KATNAL1: variants seen among roughly 807,000 people sequenced by gnomAD.
KATNAL1 encodes the protein katanin catalytic subunit A1 like 1.
Under a neutral mutation model 55.2 loss-of-function variants are expected in KATNAL1, and 32 were observed. The observed-to-expected ratio is 0.58, with a 90% CI of 0.44 to 0.78. The LOEUF (loss-of-function observed/expected upper bound fraction) is 0.78, where lower values mean the gene tolerates loss of function less well. Among genes scored for constraint, KATNAL1 ranks in the 30% least tolerant of loss-of-function variants. KATNAL1 has a pLI of 0.00. For missense variants in KATNAL1, 466 were observed against 600.9 expected, an observed-to-expected ratio of 0.78 and a Z score of 2.35; for synonymous variants, 193 against 193.6, an observed-to-expected ratio of 1.00 and a Z score of 0.02.
intron 6 of KATNAL1, among the ~76,000 whole-genome samples, chr13:30,233,003 CT>C (rs1487863422): frequency 6.6e-6 from 1 of 152,148 alleles, no homozygotes; most frequent in African/African-American, 2.4e-5. Context: ...AAACCTCAAA[CT>C]ATGAAACTGC....
At chr13:30,265,785 C>A (rs1879723900) in intron 3 of KATNAL1, among the ~76,000 whole-genome samples, 1 of 150,356 alleles carries the variant, frequency 6.7e-6, no homozygotes, top group African/African-American at 2.4e-5. Flanking sequence ...CTGAGGCGGG[C>A]AGATCACCTG....
intron 1 of KATNAL1, among the ~76,000 whole-genome samples, chr13:30,294,648 GCTACA>G (rs1288310191): frequency 6.6e-6 from 1 of 152,224 alleles, no homozygotes. Flanking sequence ...GATGAAGGTG[GCTACA>G]CTAAACAACA....
chr13:30,249,090 G>A (rs1878062179), intron 4 of KATNAL1, among the ~76,000 whole-genome samples: 1 of 152,038 alleles, frequency 6.6e-6, no homozygotes, highest in South Asian at 2.1e-4. Context: ...AAATTAGCCG[G>A]CTGTGGTGGC....
At chr13:30,305,211 T>C (rs1883105057) in intron 1 of KATNAL1, among the ~76,000 whole-genome samples, 2 of 152,214 alleles carry the variant, frequency 1.3e-5, no homozygotes, top group African/African-American at 4.8e-5. Flanking sequence ...ACTCTGAATA[T>C]GGTGCCAAGT....
At chr13:30,274,891 A>ACGCGCGCGCGCGCG (rs138328965) in intron 3 of KATNAL1, among the ~76,000 whole-genome samples, 12 of 122,122 alleles carry the variant, frequency 9.8e-5, no homozygotes, top group Non-Finnish European at 1.5e-4. Context: ...GCACACACAT[A>ACGCGCGCGCGCGCG]CGCGCGCGCG....
intron 1 of KATNAL1, among the ~76,000 whole-genome samples, chr13:30,303,628 C>A (rs1882998221): frequency 6.6e-6 from 1 of 152,198 alleles, no homozygotes; most frequent in South Asian, 2.1e-4. Flanking sequence ...TTTTCATTTA[C>A]AGATGCTCAA....
At chr13:30,242,721 G>A (rs1036562341) in intron 4 of KATNAL1, among the ~76,000 whole-genome samples, 32 of 152,166 alleles carry the variant, frequency 2.1e-4, no homozygotes, top group African/African-American at 6.7e-4. Context: ...AGAAGTGTGT[G>A]TATAGGCCAG....
chr13:30,274,948 CACACAG>C lies in KATNAL1; in HGVS notation c.323+5109_323+5114del, dbSNP rs1210887775. 5.0e-3 allele frequency among the ~76,000 whole-genome samples: 738 copies of C among 148,086 alleles called. 4 individuals are homozygous for C. Among genetic ancestry groups the C allele is most frequent in the African/African-American group, 0.017 (674 of 38,680 alleles). On this transcript the variant is annotated intron_variant, in intron 3 of 10. Coordinates refer to ENST00000380615, the MANE Select transcript of KATNAL1 (RefSeq NM_032116.5). ...ACACACACACACACACACACACACA[CACACAG>C]GAATATTATTCAACCTTAAGAGAAG... is the stretch of plus-strand genomic sequence containing the variant.
chr13:30,235,165 C>T (rs1392253868), intron 6 of KATNAL1, among the ~76,000 whole-genome samples: 1 of 152,144 alleles, frequency 6.6e-6, no homozygotes, highest in African/African-American at 2.4e-5. Flanking sequence ...TGTGTTGCTA[C>T]AAAGAAATAC....
intron 3 of KATNAL1, among the ~76,000 whole-genome samples, chr13:30,276,890 G>A (rs1880885020): frequency 1.3e-5 from 2 of 152,100 alleles, no homozygotes; most frequent in Admixed American, 6.5e-5. Context: ...CAAACTATAA[G>A]CTTCAGTTTC....
intron 1 of KATNAL1, among the ~76,000 whole-genome samples, chr13:30,294,978 A>G (rs763490227): frequency 6.6e-6 from 1 of 152,214 alleles, no homozygotes; most frequent in African/African-American, 2.4e-5. Flanking sequence ...TTTGAGAGCT[A>G]TGGCTCAGAA....
chr13:30,259,161 G>A (rs772759379), intron 3 of KATNAL1, among the ~76,000 whole-genome samples: 3 of 152,248 alleles, frequency 2.0e-5, no homozygotes, highest in South Asian at 4.1e-4. Flanking sequence ...CCAACATGGC[G>A]AAACCCTGTC....
chr13:30,225,038 C>T (rs2137379837), intron 9 of KATNAL1, among the ~76,000 whole-genome samples: 1 of 152,342 alleles, frequency 6.6e-6, no homozygotes, highest in African/African-American at 2.4e-5. Context: ...CTTCCACCTT[C>T]AGCTCTTGGT....
chr13:30,274,907 G>GCGCGCGCGCGCGCACACACACACA (rs869107567), intron 3 of KATNAL1, among the ~76,000 whole-genome samples: 2 of 105,390 alleles, frequency 1.9e-5, no homozygotes, highest in African/African-American at 4.1e-5. Context: ...GCGCGCGCGC[G>GCGCGCGCGCGCGCACACACACACA]CACACACACA....
At chr13:30,277,976 C>T (rs1880978669) in intron 3 of KATNAL1, among the ~76,000 whole-genome samples, 1 of 100,802 alleles carries the variant, frequency 9.9e-6, no homozygotes, top group Non-Finnish European at 1.9e-5. Flanking sequence ...GAGCGAGACT[C>T]CGTCTCAAAA....
intron 3 of KATNAL1, among the ~76,000 whole-genome samples, chr13:30,270,301 G>A (rs2137503932): frequency 6.7e-6 from 1 of 150,032 alleles, no homozygotes; most frequent in African/African-American, 2.4e-5. Flanking sequence ...AGGGAGGTGG[G>A]GGGTCAGCCC....
Position 30,208,595 on chromosome 13 carries a change from G to A in KATNAL1, c.1418C>T (p.Ser473Phe). The A allele has an allele frequency of 6.2e-7, 1 of 1,613,132 alleles. No individual in the cohort carries two copies. Among genetic ancestry groups the A allele is most frequent in the Non-Finnish European group, 8.5e-7 (1 of 1,179,608 alleles). The change falls in exon 11 of 11, where the codon TCT (serine) becomes TTT (phenylalanine). Residue 473 changes from serine to phenylalanine, a missense_variant. Coordinates refer to ENST00000380615, the MANE Select transcript of KATNAL1 (RefSeq NM_032116.5). Reference protein sequence around the residue: ...LALKKIAKSVSAADLEKYEKW... With the variant: ...LALKKIAKSVFAADLEKYEKW... ...TTCATACTTCTCCAAGTCTGCAGCA[G>A]AGACAGACTTAGCAATTTTCTTTAG...
intron 9 of KATNAL1, among the ~76,000 whole-genome samples, chr13:30,217,581 A>G (rs1049834695): frequency 1.4e-5 from 2 of 146,332 alleles, no homozygotes; most frequent in Admixed American, 1.3e-4. Flanking sequence ...CTAAATTTAA[A>G]TAAATGTTGT....
At chr13:30,282,917 T>C (rs1460090061) in intron 2 of KATNAL1, among the ~76,000 whole-genome samples, 3 of 140,892 alleles carry the variant, frequency 2.1e-5, no homozygotes, top group Non-Finnish European at 3.0e-5. Flanking sequence ...ATCGCGCCAC[T>C]GCACTCCAGC....
Sources: gnomAD v4.1 joint callset for allele counts (sites outside exome capture counted in the v4.1 genomes callset) on GRCh38, gnomAD v4.1.1 for gene constraint, MANE v1.5 for transcripts, NCBI Gene and HGNC (gene_info 2026-07-23, HGNC 2026-07-21) for gene names.